SIPA1L1: variants seen among roughly 807,000 people sequenced by gnomAD.
The protein encoded by SIPA1L1 is signal-induced proliferation-associated 1-like protein 1.
In SIPA1L1, 26 loss-of-function variants were observed where a neutral mutation model predicts 162.7. That is an observed-to-expected ratio of 0.16 (90% confidence interval 0.12 to 0.22). The LOEUF is 0.22. SIPA1L1 is among the 10% of genes least tolerant of loss of function. SIPA1L1 has a pLI of 1.00. For missense variants in SIPA1L1, 1,874 were observed against 2,241.0 expected, an observed-to-expected ratio of 0.84 and a Z score of 3.31; for synonymous variants, 829 against 837.4, an observed-to-expected ratio of 0.99 and a Z score of 0.17.
intron 5 of SIPA1L1, among the ~76,000 whole-genome samples, chr14:71,607,091 G>C (rs965768095): frequency 2.0e-5 from 3 of 151,926 alleles, no homozygotes; most frequent in Admixed American, 1.3e-4. Context: ...TGTGAGGGTA[G>C]TAAATGATTT....
At chr14:71,705,098 C>G (rs759722093) in intron 15 of SIPA1L1, 124 bp from the exon 16 acceptor site, 1 of 729,810 alleles carries the variant, frequency 1.4e-6, no homozygotes, top group Non-Finnish European at 2.4e-6. Context: ...AACAAGCTTA[C>G]TGCTGAAATG....
intron 5 of SIPA1L1, among the ~76,000 whole-genome samples, chr14:71,611,269 CA>C (rs1468178141): frequency 1.3e-5 from 2 of 152,070 alleles, no homozygotes; most frequent in Non-Finnish European, 2.9e-5. Context: ...TTGAATTCTC[CA>C]ATCCTTTAGC....
In SIPA1L1 at chr14:71,685,510, G is replaced by C; in HGVS notation, c.3253G>C (p.Val1085Leu). Reference protein sequence around the residue: ...GPHSPQVPSQVQSPMTSRLNA... With the variant: ...GPHSPQVPSQLQSPMTSRLNA... ...TCATTCACCTCAAGTCCCGTCCCAG[G>C]TGCAGAGTCCCATGACCTCGCGGCT... is the stretch of plus-strand genomic sequence containing the variant. The change falls in exon 13 of 24, where the codon GTG (valine) becomes CTG (leucine). Residue 1085 changes from valine (V) to leucine (L), a missense_variant. Physicochemically the swap from Val to Leu is conservative, Grantham distance 32. Coordinates refer to ENST00000381232, the MANE Select transcript of SIPA1L1 (RefSeq NM_001386936.1). 1.9e-6 allele frequency: 3 copies of C among 1,614,204 alleles called. No individual in the cohort carries two copies. The highest frequency in any genetic ancestry group is 3.3e-5 in the Admixed American group (2 of 60,028).
chr14:71,671,032 A>C (rs989487342), intron 10 of SIPA1L1, 87 bp from the exon 11 acceptor site: 1 of 1,077,172 alleles, frequency 9.3e-7, no homozygotes, highest in Non-Finnish European at 1.4e-6. Context: ...TCTGAGGTAC[A>C]TCTTTGTCTT....
chr14:71,333,951 G>A (rs985978591), intron 2 of SIPA1L1, among the ~76,000 whole-genome samples: 1 of 152,160 alleles, frequency 6.6e-6, no homozygotes, highest in Non-Finnish European at 1.5e-5. Context: ...TTCACTGGTG[G>A]GTGAGATGAT....
rs924495276 is a variant in SIPA1L1, at chr14:71,483,327, T to G, written c.-464-29416T>G. Among the ~76,000 whole-genome samples, 129 of 152,330 alleles carry G rather than the reference T, an allele frequency of 8.5e-4. 1 individual carries two copies. Among genetic ancestry groups the G allele is most frequent in the African/African-American group, 3.1e-3 (128 of 41,568 alleles). ...AGTGGGGAACGTGCTCTGTGGTATT[T>G]TAGGGTGAAGTTGCACTTTGCTCTT... is the stretch of plus-strand genomic sequence containing the variant. On this transcript the variant is annotated intron_variant, in intron 2 of 23. Coordinates refer to ENST00000381232, the MANE Select transcript of SIPA1L1 (RefSeq NM_001386936.1).
intron 4 of SIPA1L1, among the ~76,000 whole-genome samples, chr14:71,540,480 A>G (rs1288459855): frequency 2.6e-5 from 4 of 152,180 alleles, no homozygotes; most frequent in African/African-American, 7.2e-5. Context: ...CAGGAGCTCA[A>G]GAGCAGCCTG....
At chr14:71,408,765 C>A (rs958054381) in intron 2 of SIPA1L1, among the ~76,000 whole-genome samples, 2 of 152,218 alleles carry the variant, frequency 1.3e-5, no homozygotes, top group African/African-American at 4.8e-5. Flanking sequence ...TTCAGAATCA[C>A]AGCTGCAATT....
chr14:71,525,858 A>G (rs2052813465), intron 3 of SIPA1L1, among the ~76,000 whole-genome samples: 1 of 152,226 alleles, frequency 6.6e-6, no homozygotes, highest in Non-Finnish European at 1.5e-5. Flanking sequence ...CTTACTTAGC[A>G]GATTATGTTA....
intron 2 of SIPA1L1, among the ~76,000 whole-genome samples, chr14:71,411,783 C>T (rs1480858836): frequency 6.6e-6 from 1 of 152,180 alleles, no homozygotes; most frequent in Non-Finnish European, 1.5e-5. Context: ...CTTCGAGTTA[C>T]TGTAGTTCAG....
intron 3 of SIPA1L1, among the ~76,000 whole-genome samples, chr14:71,517,710 T>TAA (rs2051885510): frequency 6.6e-6 from 1 of 152,224 alleles, no homozygotes; most frequent in Non-Finnish European, 1.5e-5. Context: ...TTTTTAAATT[T>TAA]AGTCAAGCTA....
chr14:71,341,871 G>A (rs1459170213), intron 2 of SIPA1L1, among the ~76,000 whole-genome samples: 1 of 152,136 alleles, frequency 6.6e-6, no homozygotes. Flanking sequence ...GTTCTGTGGT[G>A]TATATGTACC....
intron 2 of SIPA1L1, among the ~76,000 whole-genome samples, chr14:71,477,012 T>G (rs1416705210): frequency 6.6e-6 from 1 of 152,120 alleles, no homozygotes; most frequent in African/African-American, 2.4e-5. Context: ...CCCAGCACTT[T>G]GGGAGGCCGA....
chr14:71,368,625 G>C (rs2038604072), intron 2 of SIPA1L1, among the ~76,000 whole-genome samples: 1 of 133,498 alleles, frequency 7.5e-6, no homozygotes, highest in African/African-American at 2.9e-5. Flanking sequence ...AAACATACGT[G>C]TGCATGTGTC....
At chr14:71,353,584 G>A (rs2140669736) in intron 2 of SIPA1L1, among the ~76,000 whole-genome samples, 1 of 152,280 alleles carries the variant, frequency 6.6e-6, no homozygotes, top group Non-Finnish European at 1.5e-5. Context: ...GCTGTGTTGA[G>A]AATAGCCTTT....
At chr14:71,538,165 A>G (rs2054067543) in intron 4 of SIPA1L1, among the ~76,000 whole-genome samples, 2 of 152,190 alleles carry the variant, frequency 1.3e-5, no homozygotes. Flanking sequence ...CTTCTTCCCT[A>G]CTGTTATACA....
At chr14:71,518,362 C>T (rs1446134327) in intron 3 of SIPA1L1, among the ~76,000 whole-genome samples, 3 of 151,956 alleles carry the variant, frequency 2.0e-5, no homozygotes, top group Non-Finnish European at 4.4e-5. Context: ...GAGAGTAGAA[C>T]AGGAATCTAG....
intron 2 of SIPA1L1, among the ~76,000 whole-genome samples, chr14:71,347,766 A>G (rs2036311537): frequency 6.6e-6 from 1 of 152,084 alleles, no homozygotes; most frequent in Non-Finnish European, 1.5e-5. Flanking sequence ...GCATCTTTTT[A>G]TGTGTTTGCT....
chr14:71,688,001 A>G (rs2080993584), intron 13 of SIPA1L1, among the ~76,000 whole-genome samples: 1 of 152,188 alleles, frequency 6.6e-6, no homozygotes, highest in Non-Finnish European at 1.5e-5. Flanking sequence ...TCAGTCCTAC[A>G]GTTTCCAGGA....
Sources: gnomAD v4.1 joint callset for allele counts (sites outside exome capture counted in the v4.1 genomes callset) on GRCh38, gnomAD v4.1.1 for gene constraint, MANE v1.5 for transcripts, NCBI Gene and HGNC (gene_info 2026-07-23, HGNC 2026-07-21) for gene names.